Variants in KCNK1 observed in about 807,000 individuals in gnomAD.
KCNK1 encodes potassium channel subfamily K member 1.
A neutral mutation model predicts 22.2 loss-of-function variants in KCNK1; 10 were observed. That is an observed-to-expected ratio of 0.45 (90% CI 0.28 to 0.76). KCNK1 has a LOEUF of 0.76. KCNK1 is among the 30% of genes least tolerant of loss of function. The probability of loss-of-function intolerance (pLI) is 0.14; values close to 1 mark genes in which losing one functional copy is unlikely to be tolerated. For synonymous variants in KCNK1, 200 were observed against 186.4 expected (o/e 1.07, Z -0.60); for missense variants, 378 against 421.0 (o/e 0.90, Z 0.89).
At chr1:233,619,185 T>A (rs538077476) in intron 1 of KCNK1, among the ~76,000 whole-genome samples, 31 of 151,272 alleles carry the variant, frequency 2.0e-4, no homozygotes, top group African/African-American at 4.6e-4. Flanking sequence ...ACCTGGCCAA[T>A]TTTTTTTTCA....
At chr1:233,624,865 A>G (rs892447103) in intron 1 of KCNK1, among the ~76,000 whole-genome samples, 1 of 152,152 alleles carries the variant, frequency 6.6e-6, no homozygotes, top group Admixed American at 6.5e-5. Context: ...GTGCTACTCC[A>G]GGCACTTAGG....
At chr1:233,618,747 G>A (rs192122857) in intron 1 of KCNK1, among the ~76,000 whole-genome samples, 236 of 152,188 alleles carry the variant, frequency 1.6e-3, no homozygotes, top group African/African-American at 5.1e-3. Flanking sequence ...AGCTTGGTGT[G>A]TTCGCATGCA....
At chr1:233,621,188 C>T (rs1341317096) in intron 1 of KCNK1, among the ~76,000 whole-genome samples, 1 of 152,174 alleles carries the variant, frequency 6.6e-6, no homozygotes, top group East Asian at 1.9e-4. Flanking sequence ...TTATAGATAA[C>T]ATCTTTAAGG....
At chr1:233,659,187 T>G (rs1658349102) in intron 1 of KCNK1, among the ~76,000 whole-genome samples, 1 of 151,750 alleles carries the variant, frequency 6.6e-6, no homozygotes, top group Admixed American at 6.6e-5. Flanking sequence ...TTTAAATTTT[T>G]CAGTTTTTTT....
chr1:233,637,680 T>C (rs1657924896), intron 1 of KCNK1, among the ~76,000 whole-genome samples: 1 of 152,206 alleles, frequency 6.6e-6, no homozygotes, highest in Admixed American at 6.5e-5. Context: ...TTTGCATCTG[T>C]GTAAAACCTA....
rs1658110550 is a variant in KCNK1 at position 233,646,932 on chromosome 1, A to C, written c.356-19663A>C. Among the ~76,000 whole-genome samples, 2 of 152,166 alleles carry C rather than the reference A, an allele frequency of 1.3e-5. 1 individual carries two copies. The highest frequency in any genetic ancestry group is 4.8e-5 in the African/African-American group (2 of 41,440). ...ATGGAAGCTCACATTGAACCAGCTG[A>C]GGGGAAGCGAGTGCATTTTGAGCCT... On this transcript the variant is annotated intron_variant, in intron 1 of 2. Coordinates refer to ENST00000366621, the MANE Select transcript of KCNK1 (RefSeq NM_002245.4).
In KCNK1 at chr1:233,614,211, G is replaced by A; in HGVS notation, c.40G>A (p.Val14Met). The change falls in exon 1 of 3, where the codon GTG (valine) becomes ATG (methionine). Residue 14 changes from valine to methionine, a missense_variant. By Grantham distance (21) the Val-to-Met change is conservative (BLOSUM62 1). Transcript: ENST00000366621. ...SLAGSSCVRL[V>M]ERHRSAWCFG... ...GGCCGGCAGCTCGTGCGTGCGCCTGGTGGAGCGGCACCGCTCGGCCTGGTG... is the reference window on the plus strand; with the variant it reads ...GGCCGGCAGCTCGTGCGTGCGCCTGATGGAGCGGCACCGCTCGGCCTGGTG... The A allele has an allele frequency of 6.2e-7, 1 of 1,610,262 alleles. No individual in the cohort carries two copies. Among genetic ancestry groups the A allele is most frequent in the South Asian group, 1.1e-5 (1 of 90,848 alleles).
chr1:233,621,184 A>G (rs775363083), intron 1 of KCNK1, among the ~76,000 whole-genome samples: 16 of 152,214 alleles, frequency 1.1e-4, no homozygotes, highest in Non-Finnish European at 2.4e-4. Flanking sequence ...GTATTTATAG[A>G]TAACATCTTT....
chr1:233,671,099 G>T (rs1658588232), intron 2 of KCNK1, among the ~76,000 whole-genome samples, 172 bp from the exon 3 acceptor site: 1 of 152,068 alleles, frequency 6.6e-6, no homozygotes, highest in South Asian at 2.1e-4. Context: ...TTAATAATGG[G>T]TAGTTCCTCT....
At chr1:233,617,322 A>G (rs1415701144) in intron 1 of KCNK1, among the ~76,000 whole-genome samples, 2 of 152,222 alleles carry the variant, frequency 1.3e-5, no homozygotes, top group African/African-American at 4.8e-5. Context: ...TAGGTTGGTA[A>G]TTCAGCAATA....
chr1:233,625,425 G>A (rs997663348), intron 1 of KCNK1, among the ~76,000 whole-genome samples: 4 of 152,182 alleles, frequency 2.6e-5, no homozygotes, highest in Admixed American at 6.5e-5. Flanking sequence ...GGGAAATGGG[G>A]TTCTGGTCTC....
intron 1 of KCNK1, among the ~76,000 whole-genome samples, chr1:233,624,749 G>C (rs775244900): frequency 6.6e-6 from 1 of 152,206 alleles, no homozygotes; most frequent in East Asian, 1.9e-4. Flanking sequence ...ATGATATCTG[G>C]GGGGCCTCAT....
At chr1:233,643,130 T>C (rs954641583) in intron 1 of KCNK1, among the ~76,000 whole-genome samples, 7 of 151,920 alleles carry the variant, frequency 4.6e-5, no homozygotes, top group African/African-American at 2.4e-5. Flanking sequence ...GTCAGGGAAG[T>C]AGAGCTGATC....
intron 1 of KCNK1, among the ~76,000 whole-genome samples, chr1:233,618,193 T>A (rs1337055158): frequency 6.6e-6 from 1 of 152,180 alleles, no homozygotes; most frequent in Non-Finnish European, 1.5e-5. Flanking sequence ...TAAGGTGCCC[T>A]GTTTGGGGGT....
rs1402147631 is a variant in KCNK1 at position 233,614,372 on chromosome 1, C to T, written c.201C>T (p.His67=). Reference sequence around the variant, plus strand: ...TGAAGCGACGCTTCTTGGAGGAGCACGAGTGCCTGTCTGAGCAGCAGCTGG... The same window carrying T: ...TGAAGCGACGCTTCTTGGAGGAGCATGAGTGCCTGTCTGAGCAGCAGCTGG... ...RKLKRRFLEE[H]ECLSEQQLEQ... The change falls in exon 1 of 3, where the codon CAC becomes CAT. Residue 67 remains histidine (H), a synonymous_variant. Transcript: ENST00000366621. 5.0e-6 allele frequency: 8 copies of T among 1,610,916 alleles called. No homozygotes were observed. The highest frequency in any genetic ancestry group is 2.2e-5 in the South Asian group (2 of 90,274).
intron 1 of KCNK1, among the ~76,000 whole-genome samples, chr1:233,638,903 T>A (rs701195): frequency 1 from 151,829 of 152,354 alleles, 75,653 homozygotes; most frequent in East Asian, 1. Flanking sequence ...GAAGTGGCAG[T>A]TACATGTTTC....
intron 1 of KCNK1, among the ~76,000 whole-genome samples, chr1:233,643,309 G>T (rs1454561776): frequency 6.6e-6 from 1 of 152,130 alleles, no homozygotes; most frequent in East Asian, 1.9e-4. Context: ...GAGTGGGGAG[G>T]CTGTGGGTAC....
rs1225177205 is a variant in KCNK1 at position 233,671,592 on chromosome 1, T to C, written c.*62T>C. ...TCAGGGTGCAAGGAAGAGGCTTAAG[T>C]ATGTTCATTTTTATCAGAATGCAAA... On this transcript the variant is annotated 3_prime_UTR_variant, in exon 3 of 3. Coordinates refer to ENST00000366621, the MANE Select transcript of KCNK1 (RefSeq NM_002245.4). 1.3e-6 allele frequency: 2 copies of C among 1,571,298 alleles called. No homozygotes were observed. The highest frequency in any genetic ancestry group is 1.7e-6 in the Non-Finnish European group (2 of 1,153,110).
rs759662716 is a variant in KCNK1 at position 233,614,510 on chromosome 1, C to G, written c.339C>G (p.Thr113=). The G allele has an allele frequency of 2.5e-6, 4 of 1,599,882 alleles. No individual in the cohort carries two copies. The highest frequency in any genetic ancestry group is 3.4e-6 in the Non-Finnish European group (4 of 1,172,926). The change falls in exon 1 of 3, where the codon ACC becomes ACG. Residue 113 remains threonine (T), a synonymous_variant. Transcript: ENST00000366621. ...DFTSALFFAS[T]VLSTTGYGHT... ...CCTCCGCGCTCTTCTTCGCCAGCAC[C>G]GTGCTCTCCACCACAGGTAGGGTAT... is the stretch of plus-strand genomic sequence containing the variant.
Sources: allele counts gnomAD v4.1 joint callset (sites outside exome capture counted in the v4.1 genomes callset), GRCh38; gene constraint gnomAD v4.1.1; transcripts MANE v1.5; gene names NCBI Gene and HGNC (gene_info 2026-07-23, HGNC 2026-07-21).